SEPTIN9: variants seen among roughly 807,000 people sequenced by gnomAD.
SEPTIN9 encodes septin-9.
In SEPTIN9, 13 loss-of-function variants were observed where a neutral mutation model predicts 56.6. The ratio of observed to expected loss-of-function variants is 0.23; its 90% confidence interval spans 0.15 to 0.37. The LOEUF (loss-of-function observed/expected upper bound fraction) is 0.37. Among genes scored for constraint, SEPTIN9 ranks in the 10% least tolerant of loss-of-function variants. The pLI is 1.00. For missense variants in SEPTIN9, 650 were observed against 823.1 expected, an observed-to-expected ratio of 0.79 and a Z score of 2.57; for synonymous variants, 332 against 334.1, an observed-to-expected ratio of 0.99 and a Z score of 0.07.
At chr17:77,495,548 C>T (rs1349350989) in intron 10 of SEPTIN9, among the ~76,000 whole-genome samples, 1 of 152,164 alleles carries the variant, frequency 6.6e-6, no homozygotes, top group Non-Finnish European at 1.5e-5. Flanking sequence ...CCCTGAGAGG[C>T]GGGTGACGTT....
intron 1 of SEPTIN9, among the ~76,000 whole-genome samples, chr17:77,305,174 A>G (rs1240760946): frequency 6.6e-6 from 1 of 152,018 alleles, no homozygotes; most frequent in Middle Eastern, 3.2e-3. Flanking sequence ...TTTGTTGCTT[A>G]GCAGTGAGCA....
intron 3 of SEPTIN9, among the ~76,000 whole-genome samples, chr17:77,466,887 G>GC (rs2038760243): frequency 6.6e-6 from 1 of 152,146 alleles, no homozygotes; most frequent in Non-Finnish European, 1.5e-5. Flanking sequence ...GCACCGGTCA[G>GC]CCCTGGGGTC....
chr17:77,442,595 G>GGGTGC (rs2037589537), intron 3 of SEPTIN9, among the ~76,000 whole-genome samples: 5 of 151,800 alleles, frequency 3.3e-5, no homozygotes, highest in African/African-American at 1.2e-4. Context: ...ATTATGGGCC[G>GGGTGC]GGTGCGATGG....
In SEPTIN9 at chr17:77,498,709, C is replaced by CT. The variant is rs1272732429; in HGVS notation, c.*51_*52insT. On this transcript the variant is annotated 3_prime_UTR_variant, in exon 12 of 12. Coordinates refer to ENST00000427177, the MANE Select transcript of SEPTIN9 (RefSeq NM_001113491.2). ...CCTGCCCCCAAGTCATTTCCGTCCCCCCCCAGGCCCTCCCACCACCCCATT... is the reference window on the plus strand; with the variant it reads ...CCTGCCCCCAAGTCATTTCCGTCCCCTCCCCAGGCCCTCCCACCACCCCATT... 8 of 1,167,346 alleles carry CT rather than the reference C, an allele frequency of 6.9e-6. No individual in the cohort carries two copies. In the Admixed American group the frequency reaches 9.8e-5, roughly 14 times the overall value. 72.3% of individuals were successfully genotyped at this position (1,167,346 alleles called of 1,614,324 possible). A position where few individuals can be genotyped will look rare whatever the true frequency, so the allele number is the denominator to read the frequency against.
chr17:77,356,796 T>C (rs375354511), intron 2 of SEPTIN9, among the ~76,000 whole-genome samples: 1 of 145,356 alleles, frequency 6.9e-6, no homozygotes, highest in African/African-American at 2.6e-5. Context: ...GCACCCTGTC[T>C]GGTGGGCTCT....
Position 77,435,691 on chromosome 17 carries a change from A to G in SEPTIN9, c.721+32988A>G, listed in dbSNP as rs2144311209. Among the ~76,000 whole-genome samples, 1 of 152,324 alleles carries G rather than the reference A, an allele frequency of 6.6e-6. No homozygotes were observed. Among genetic ancestry groups the G allele is most frequent in the South Asian group, 2.1e-4 (1 of 4,832 alleles). On this transcript the variant is annotated intron_variant, in intron 3 of 11. Coordinates refer to ENST00000427177, the MANE Select transcript of SEPTIN9 (RefSeq NM_001113491.2). The surrounding 1 kb of genome is among the most constrained non-coding windows in gnomAD (Gnocchi z 4.5). The stretch of plus-strand genomic sequence containing the variant: ...TGGCACGAGGGTGGCGTTTCTGGTA[A>G]TCCGTAGTGCTGTTGTCTGTGGCTG...
rs369642858 is a variant in SEPTIN9 at position 77,348,511 on chromosome 17, G to T, written c.76+41314G>T. On this transcript the variant is annotated intron_variant, in intron 2 of 11. Coordinates refer to ENST00000427177, the MANE Select transcript of SEPTIN9 (RefSeq NM_001113491.2). Reference sequence around the variant, plus strand: ...GACGGGGTTTCACCATGCTGGCCAGGCTGGCCTCGAACTCCTGACCTCAGG... The same window carrying T: ...GACGGGGTTTCACCATGCTGGCCAGTCTGGCCTCGAACTCCTGACCTCAGG... Among the ~76,000 whole-genome samples, 598 of 152,104 alleles carry T rather than the reference G, an allele frequency of 3.9e-3. 1 individual carries two copies. Among genetic ancestry groups the T allele is most frequent in the African/African-American group, 0.013 (543 of 41,518 alleles).
Position 77,307,149 on chromosome 17 carries a change from CG to C in SEPTIN9, c.30del (p.Thr11ProfsTer17). On this transcript the variant is annotated frameshift_variant, in exon 2 of 12. Transcript: ENST00000427177. LOFTEE classifies it high-confidence loss of function. ...TTTGTCTCTGTCTTTAGGAGGCACG[CG>C]GACCTCCAGTGGCCGGCTCCGGAGG... MKKSYSGGTRTSSGRLRRLG... is the reference protein window; with the variant it reads MKKSYSGGTXTSSGRLRRLG... 6.2e-7 allele frequency: 1 copy of C among 1,613,914 alleles called. No homozygotes were observed. Among genetic ancestry groups the C allele is most frequent in the African/African-American group, 1.3e-5 (1 of 75,048 alleles).
At chr17:77,354,542 C>T (rs1423255571) in intron 2 of SEPTIN9, among the ~76,000 whole-genome samples, 2 of 152,154 alleles carry the variant, frequency 1.3e-5, no homozygotes, top group Admixed American at 6.6e-5. Context: ...GAGGGCTGAA[C>T]GACCCCTCAC....
intron 3 of SEPTIN9, among the ~76,000 whole-genome samples, chr17:77,480,632 C>T (rs374229857): frequency 6.6e-6 from 1 of 152,222 alleles, no homozygotes; most frequent in Admixed American, 6.5e-5. Flanking sequence ...GAGCCCCCTG[C>T]AGCCTCCCGT....
rs2032563829 is a variant in SEPTIN9 at position 77,313,008 on chromosome 17, C to A, written c.76+5811C>A. The stretch of plus-strand genomic sequence containing the variant: ...TCTATGGGGGGGCGCTGGTTTAGAT[C>A]ATCTTCACGTTGGATCCACAAATTC... On this transcript the variant is annotated intron_variant, in intron 2 of 11. Transcript: ENST00000427177. The surrounding 1 kb of genome is among the most constrained non-coding windows in gnomAD (Gnocchi z 4.5). Among the ~76,000 whole-genome samples, 1 of 152,176 alleles carries A rather than the reference C, an allele frequency of 6.6e-6. No individual in the cohort carries two copies. Among genetic ancestry groups the A allele is most frequent in the African/African-American group, 2.4e-5 (1 of 41,442 alleles).
chr17:77,370,062 T>C (rs990262230), intron 2 of SEPTIN9, among the ~76,000 whole-genome samples: 4 of 152,230 alleles, frequency 2.6e-5, no homozygotes, highest in Admixed American at 2.0e-4. Flanking sequence ...GGGTTTGTGA[T>C]TGCTTAGACA....
intron 3 of SEPTIN9, among the ~76,000 whole-genome samples, chr17:77,409,545 T>G (rs1360649293): frequency 6.6e-6 from 1 of 152,150 alleles, no homozygotes; most frequent in Non-Finnish European, 1.5e-5. Flanking sequence ...TGGGGGCGGT[T>G]TCTCTGCTCC....
At chr17:77,289,697 C>T (rs1362566660) in intron 1 of SEPTIN9, among the ~76,000 whole-genome samples, 2 of 152,140 alleles carry the variant, frequency 1.3e-5, no homozygotes, top group African/African-American at 4.8e-5. Flanking sequence ...CGTGAGCCAC[C>T]GCACCCGGCC....
chr17:77,492,487 G>A lies in SEPTIN9; in HGVS notation c.1381-134G>A. On this transcript the variant is annotated intron_variant, in intron 8 of 11. Transcript: ENST00000427177. The surrounding 1 kb of genome is among the most constrained non-coding windows in gnomAD (Gnocchi z 5.4). ...GGCACAGGAGTTGGAGGTGATTGGTGTCACAGCCCCCCAGAGCCTGCCCTT... is the reference window on the plus strand; with the variant it reads ...GGCACAGGAGTTGGAGGTGATTGGTATCACAGCCCCCCAGAGCCTGCCCTT... The A allele has an allele frequency of 1.3e-6, 1 of 792,700 alleles. No homozygotes were observed. Among genetic ancestry groups the A allele is most frequent in the Non-Finnish European group, 2.2e-6 (1 of 445,626 alleles). The allele number at this position is 792,700 out of a possible 1,614,324, so 49.1% of individuals were successfully genotyped here.
In SEPTIN9 at chr17:77,311,237, C is replaced by T. The variant is rs145361755; in HGVS notation, c.76+4040C>T. Among the ~76,000 whole-genome samples, 529 of 149,878 alleles carry T rather than the reference C, an allele frequency of 3.5e-3. 8 individuals are homozygous for T. The highest frequency in any genetic ancestry group is 0.012 in the African/African-American group (487 of 40,938). Reference sequence around the variant, plus strand: ...AAGGAAGGACCCCCCCCCCACCCCACCCCAGAGCCTCCCTAGGGAGTGTGG... The same window carrying T: ...AAGGAAGGACCCCCCCCCCACCCCATCCCAGAGCCTCCCTAGGGAGTGTGG... On this transcript the variant is annotated intron_variant, in intron 2 of 11. Coordinates refer to ENST00000427177, the MANE Select transcript of SEPTIN9 (RefSeq NM_001113491.2).
chr17:77,338,710 C>T (rs1428597363), intron 2 of SEPTIN9, among the ~76,000 whole-genome samples: 2 of 152,220 alleles, frequency 1.3e-5, no homozygotes, highest in East Asian at 1.9e-4. Flanking sequence ...TGAGCCACTG[C>T]ACCTGGCCGG....
At chr17:77,377,147 C>T (rs1482222209) in intron 2 of SEPTIN9, 3 of 152,204 alleles carry the variant, frequency 2.0e-5, no homozygotes, top group Non-Finnish European at 4.4e-5. Flanking sequence ...CGCCACGTAG[C>T]AGCAAGGAGA....
intron 3 of SEPTIN9, among the ~76,000 whole-genome samples, chr17:77,424,049 A>G (rs1314545967): frequency 6.6e-6 from 1 of 152,238 alleles, no homozygotes; most frequent in Admixed American, 6.5e-5. Flanking sequence ...GGGACAACGC[A>G]AGGAGGCTGT....
Sources: allele counts gnomAD v4.1 joint callset (sites outside exome capture counted in the v4.1 genomes callset), GRCh38; gene constraint gnomAD v4.1.1; non-coding constraint Gnocchi (gnomAD v3.1); transcripts MANE v1.5; gene names NCBI Gene and HGNC (gene_info 2026-07-23, HGNC 2026-07-21).